LYN: variants seen among roughly 807,000 people sequenced by gnomAD.
LYN encodes the protein tyrosine-protein kinase Lyn.
A neutral mutation model predicts 65.0 loss-of-function variants in LYN; 12 were observed. The observed-to-expected ratio is 0.18, with a 90% CI of 0.12 to 0.30. LYN has a LOEUF of 0.30. Ranked by LOEUF, LYN falls within the 10% of genes least tolerant of loss-of-function variation. The pLI, the probability that LYN is intolerant of heterozygous loss-of-function variation, is 1.00. For missense variants in LYN, 380 were observed against 623.2 expected (o/e 0.61, Z 4.16); for synonymous variants, 222 against 221.2 (o/e 1.00, Z -0.03).
rs181579885 is a variant in LYN at position 55,964,035 on chromosome 8, A to G, written c.791-2680A>G. 3.3e-3 allele frequency among the ~76,000 whole-genome samples: 504 copies of G among 152,330 alleles called. 2 individuals are homozygous for G. Among genetic ancestry groups the G allele is most frequent in the Middle Eastern group, 0.014 (4 of 294 alleles). On this transcript the variant is annotated intron_variant, in intron 8 of 12. Transcript: ENST00000519728. Reference sequence around the variant, plus strand: ...TACTTTACAATAACTCTTAAGATCTACAGAAAAGGCCATATTGCTTGTAAT... The same window carrying G: ...TACTTTACAATAACTCTTAAGATCTGCAGAAAAGGCCATATTGCTTGTAAT...
chr8:55,942,085 A>G, intron 2 of LYN, 94 bp downstream of exon 2: 4 of 1,283,516 alleles, frequency 3.1e-6, no homozygotes, highest in Non-Finnish European at 4.3e-6. Context: ...CATGCAAAAA[A>G]ATTCCATTGA....
chr8:55,938,294 G>A (rs980246794), intron 1 of LYN, among the ~76,000 whole-genome samples: 6 of 152,202 alleles, frequency 3.9e-5, no homozygotes, highest in African/African-American at 1.2e-4. Flanking sequence ...GTATTTGCAT[G>A]TCAAAGCCTC....
At chr8:55,997,083 C>T (rs1344624619) in intron 10 of LYN, among the ~76,000 whole-genome samples, 1 of 151,726 alleles carries the variant, frequency 6.6e-6, no homozygotes, top group Non-Finnish European at 1.5e-5. Flanking sequence ...ATCACTTGAA[C>T]CTAGGAGGCG....
rs1806831788 is a variant in LYN, at chr8:55,947,894, CA to C, written c.284+174del. Among the ~76,000 whole-genome samples the C allele has an allele frequency of 2.0e-5, 3 of 152,228 alleles. No homozygotes were observed. In the South Asian group the frequency reaches 6.2e-4, roughly 32 times the overall value. Reference sequence around the variant, plus strand: ...GAGTGGGCAGTGGAAGGAATAGAGCCAAAGGGATTTTCCTTTTAAGTCGGTC... The same window carrying C: ...GAGTGGGCAGTGGAAGGAATAGAGCCAAGGGATTTTCCTTTTAAGTCGGTC... On this transcript the variant is annotated intron_variant, in intron 4 of 12. Coordinates refer to ENST00000519728, the MANE Select transcript of LYN (RefSeq NM_002350.4).
At chr8:56,000,727 C>CA (rs1043054300) in intron 12 of LYN, among the ~76,000 whole-genome samples, 1,453 of 46,706 alleles carry the variant, frequency 0.031, 140 homozygotes, top group Middle Eastern at 0.05. Context: ...GACTCTGTCT[C>CA]AAAAAAAAAA....
chr8:55,921,078 T>A (rs115725725), intron 1 of LYN, among the ~76,000 whole-genome samples: 1 of 152,192 alleles, frequency 6.6e-6, no homozygotes, highest in Non-Finnish European at 1.5e-5. Context: ...ACATTTTGTT[T>A]GTTTTCATCG....
At position 55,953,991 on chromosome 8, in the gene LYN, G is replaced by A. The variant is rs781463890; in HGVS notation, c.790+7G>A. The A allele has an allele frequency of 6.2e-7, 1 of 1,613,576 alleles. No homozygotes were observed. The highest frequency in any genetic ancestry group is 8.5e-7 in the Non-Finnish European group (1 of 1,179,814). On this transcript the variant is annotated splice_region_variant and intron_variant, in intron 8 of 12. Transcript: ENST00000519728. ...TTTGGGGAAGTCTGGATGGGTAAGT[G>A]TGCGGCTCGGGGATCTATGTCCTTC...
Position 55,969,779 on chromosome 8 carries a change from G to T in LYN, c.1036G>T (p.Asp346Tyr). The stretch of plus-strand genomic sequence containing the variant: ...CAAAGTGCTGCTTCCAAAGCTCATT[G>T]ACTTTTCTGCTCAGGTAACATATTC... The part of the protein sequence containing the change: ...GGKVLLPKLI[D>Y]FSAQIAEGMA... The change falls in exon 10 of 13, where the codon GAC (aspartate) becomes TAC (tyrosine). Residue 346 changes from aspartate (D) to tyrosine (Y), a missense_variant. Asp to Tyr is a radical substitution (Grantham distance 160). Around this residue, in one of 2 missense-constraint regions of LYN, gnomAD observed 223 missense variants for 430.0 expected, o/e 0.52. Transcript: ENST00000519728. The T allele has an allele frequency of 6.2e-7, 1 of 1,614,136 alleles. No individual in the cohort carries two copies. The highest frequency in any genetic ancestry group is 1.1e-5 in the South Asian group (1 of 91,066).
chr8:55,888,091 G>A (rs1804854134), intron 1 of LYN, among the ~76,000 whole-genome samples: 1 of 152,156 alleles, frequency 6.6e-6, no homozygotes, highest in Non-Finnish European at 1.5e-5. Flanking sequence ...GTTGTAAATA[G>A]AACATTTTCT....
chr8:55,880,041 C>A lies in LYN; in HGVS notation c.-68C>A, dbSNP rs1278936170. ...GGTCCTGCTGGGCCGCCCCGTCGCG[C>A]CCCCCACTCTGAACTCAAGTCACCG... On this transcript the variant is annotated 5_prime_UTR_variant, in exon 1 of 13. Transcript: ENST00000519728. The A allele has an allele frequency of 6.4e-6, 2 of 311,176 alleles. No homozygotes were observed. The highest frequency in any genetic ancestry group is 4.7e-5 in the South Asian group (2 of 42,942). 19.3% of individuals were successfully genotyped at this position (311,176 alleles called of 1,614,324 possible).
At chr8:55,889,166 C>A (rs1431891219) in intron 1 of LYN, among the ~76,000 whole-genome samples, 1 of 152,156 alleles carries the variant, frequency 6.6e-6, no homozygotes, top group Non-Finnish European at 1.5e-5. Flanking sequence ...CAGGCCCCGC[C>A]ACCAGGCCTG....
chr8:55,892,473 T>A (rs1390318586), intron 1 of LYN, among the ~76,000 whole-genome samples: 3 of 152,212 alleles, frequency 2.0e-5, no homozygotes, highest in African/African-American at 7.2e-5. Flanking sequence ...AGGTGCTTCC[T>A]GATTTGATGA....
At position 55,966,836 on chromosome 8, in the gene LYN, G is replaced by A. The variant is rs1183826897; in HGVS notation, c.912G>A (p.Arg304=). The part of the protein sequence containing the change: ...MKTLQHDKLV[R]LYAVVTREEP... ...CCCTGCAGCATGACAAGCTCGTGAG[G>A]CTCTACGCTGTGGTCACCAGGGAGG... is the stretch of plus-strand genomic sequence containing the variant. The change falls in exon 9 of 13, where the codon AGG becomes AGA. Residue 304 remains arginine, a synonymous_variant. Transcript: ENST00000519728. 2 of 1,613,948 alleles carry A rather than the reference G, an allele frequency of 1.2e-6. No individual in the cohort carries two copies. Among genetic ancestry groups the A allele is most frequent in the African/African-American group, 1.3e-5 (1 of 74,884 alleles).
chr8:55,947,637 C>T lies in LYN; in HGVS notation c.198C>T (p.Asp66=). The change falls in exon 4 of 13, where the codon GAC becomes GAT. Residue 66 remains aspartate, a synonymous_variant. Coordinates refer to ENST00000519728, the MANE Select transcript of LYN (RefSeq NM_002350.4). ...CTTTAGATCCAGAGGAACAAGGAGACATTGTGGTAGCCTTGTACCCCTATG... is the reference window on the plus strand; with the variant it reads ...CTTTAGATCCAGAGGAACAAGGAGATATTGTGGTAGCCTTGTACCCCTATG... ...FQTKDPEEQG[D]IVVALYPYDG... is the part of the protein sequence containing the mutation. 1 of 1,613,106 alleles carries T rather than the reference C, an allele frequency of 6.2e-7. No homozygotes were observed. Among genetic ancestry groups the T allele is most frequent in the Non-Finnish European group, 8.5e-7 (1 of 1,179,060 alleles).
rs1372641664 is a variant in LYN at position 55,882,920 on chromosome 8, C to T, written c.-6+2817C>T. Among the ~76,000 whole-genome samples, 6 of 152,270 alleles carry T rather than the reference C, an allele frequency of 3.9e-5. No individual in the cohort carries two copies. The East Asian group carries it at 5.8e-4, about 15-fold the overall frequency. ...AGTGTGTGCTCAATTACAAATGCCTCTCAACTTATGATGAGGCTGTGTCCC... is the reference window on the plus strand; with the variant it reads ...AGTGTGTGCTCAATTACAAATGCCTTTCAACTTATGATGAGGCTGTGTCCC... On this transcript the variant is annotated intron_variant, in intron 1 of 12. Coordinates refer to ENST00000519728, the MANE Select transcript of LYN (RefSeq NM_002350.4).
intron 8 of LYN, among the ~76,000 whole-genome samples, chr8:55,954,800 A>G (rs1357109670): frequency 6.6e-6 from 1 of 151,946 alleles, no homozygotes; most frequent in African/African-American, 2.4e-5. Context: ...GCACTCCTGC[A>G]CTCCAGCCTG....
chr8:55,943,818 C>T lies in LYN; in HGVS notation c.132+1827C>T, dbSNP rs1052057780. ...TGGAGATAGGCCAGGCACGGTGGCTCATGCCTGTAATCCCAGCACTTTGGG... is the reference window on the plus strand; with the variant it reads ...TGGAGATAGGCCAGGCACGGTGGCTTATGCCTGTAATCCCAGCACTTTGGG... On this transcript the variant is annotated intron_variant, in intron 2 of 12. Transcript: ENST00000519728. Among the ~76,000 whole-genome samples the T allele has an allele frequency of 2.0e-5, 3 of 152,140 alleles. 1 individual carries two copies. The highest frequency in any genetic ancestry group is 4.4e-5 in the Non-Finnish European group (3 of 68,022).
chr8:55,997,180 G>C (rs1210483594), intron 10 of LYN, among the ~76,000 whole-genome samples: 1 of 150,672 alleles, frequency 6.6e-6, no homozygotes. Context: ...AAAAAAGAGT[G>C]AATCTTTGTG....
At chr8:56,001,299 G>A (rs554765242) in intron 12 of LYN, among the ~76,000 whole-genome samples, 32 of 152,298 alleles carry the variant, frequency 2.1e-4, no homozygotes, top group East Asian at 7.7e-4. Context: ...CTAGACAGTC[G>A]ATGGATGAGA....
Sources: allele counts gnomAD v4.1 joint callset (sites outside exome capture counted in the v4.1 genomes callset), GRCh38; gene constraint gnomAD v4.1.1; regional missense constraint gnomAD v4.1.1; transcripts MANE v1.5; gene names NCBI Gene and HGNC (gene_info 2026-07-23, HGNC 2026-07-21).